ESR2: variants seen among roughly 807,000 people sequenced by gnomAD.
ESR2 encodes estrogen receptor beta.
ESR2 carries 36 observed loss-of-function variants against 49.6 expected under a neutral mutation model. The ratio of observed to expected loss-of-function variants is 0.73; its 90% CI spans 0.56 to 0.96. The LOEUF (loss-of-function observed/expected upper bound fraction) is 0.96. ESR2 is among the 40% of genes least tolerant of loss of function. ESR2 has a pLI of 0.00. For missense variants in ESR2, 714 were observed against 693.0 expected, an observed-to-expected ratio of 1.03 and a Z score of -0.34; for synonymous variants, 320 against 266.1, an observed-to-expected ratio of 1.20 and a Z score of -1.97.
At chr14:64,242,280 G>T (rs945836686) in intron 7 of ESR2, among the ~76,000 whole-genome samples, 1 of 151,868 alleles carries the variant, frequency 6.6e-6, no homozygotes, top group Non-Finnish European at 1.5e-5. Context: ...CATGGTGGCA[G>T]GCACCTATAA....
At chr14:64,282,285 C>A (rs1358173308) in intron 2 of ESR2, among the ~76,000 whole-genome samples, 2 of 152,168 alleles carry the variant, frequency 1.3e-5, no homozygotes, top group Non-Finnish European at 2.9e-5. Flanking sequence ...GTGAAGGTTG[C>A]AGTGAGCCGC....
chr14:64,322,752 C>T (rs2077340421), intron 1 of ESR2, among the ~76,000 whole-genome samples: 1 of 152,128 alleles, frequency 6.6e-6, no homozygotes, highest in Non-Finnish European at 1.5e-5. Flanking sequence ...TTAAAATACG[C>T]ACTGTGACCC....
chr14:64,262,685 C>T (rs987703471), intron 4 of ESR2, among the ~76,000 whole-genome samples: 2 of 151,828 alleles, frequency 1.3e-5, no homozygotes, highest in Non-Finnish European at 2.9e-5. Context: ...CGGGAGGGGA[C>T]GGATCACTTG....
At chr14:64,278,120 A>G (rs2076593874) in intron 3 of ESR2, among the ~76,000 whole-genome samples, 1 of 152,266 alleles carries the variant, frequency 6.6e-6, no homozygotes, top group South Asian at 2.1e-4. Context: ...TCAGAAAATC[A>G]ATATTGTTCT....
intron 1 of ESR2, among the ~76,000 whole-genome samples, chr14:64,314,212 A>G (rs1368567016): frequency 6.6e-6 from 1 of 152,104 alleles, no homozygotes; most frequent in African/African-American, 2.4e-5. Flanking sequence ...GAAACCAATA[A>G]CAGATAACAG....
At chr14:64,249,502 CA>C in intron 7 of ESR2, 43 bp downstream of exon 7, 1 of 1,594,636 alleles carries the variant, frequency 6.3e-7, no homozygotes, top group Non-Finnish European at 8.5e-7. Context: ...GTAGAAACAG[CA>C]TCTCTCCCCG....
rs559104738 is a variant in ESR2 at position 64,281,672 on chromosome 14, C to T, written c.362+952G>A. 5.9e-5 allele frequency among the ~76,000 whole-genome samples: 9 copies of T among 152,250 alleles called. No homozygotes were observed. The South Asian group carries it at 1.9e-3, about 32-fold the overall frequency. On this transcript the variant is annotated intron_variant, in intron 2 of 8. Transcript: ENST00000341099. Reference sequence around the variant, plus strand: ...CCTTTCTCATTATACTATCCATTCCCTTCATACCTATGATTATCATTAGAA... The same window carrying T: ...CCTTTCTCATTATACTATCCATTCCTTTCATACCTATGATTATCATTAGAA...
upstream of ESR2, among the ~76,000 whole-genome samples, chr14:64,297,097 C>T (rs1417279204): frequency 6.6e-6 from 1 of 152,112 alleles, no homozygotes; most frequent in East Asian, 1.9e-4. Context: ...TCCACCTCAC[C>T]CCTGACCTGC....
At chr14:64,300,353 A>C (rs2077008310) in intron 1 of ESR2, among the ~76,000 whole-genome samples, 1 of 152,132 alleles carries the variant, frequency 6.6e-6, no homozygotes, top group Non-Finnish European at 1.5e-5. Flanking sequence ...AGGCCTTTCA[A>C]CCGGACCCCA....
chr14:64,335,199 C>G (rs537586292), intron 1 of ESR2, among the ~76,000 whole-genome samples: 30 of 152,242 alleles, frequency 2.0e-4, no homozygotes, highest in Non-Finnish European at 3.5e-4. Context: ...AGGGAAGGCA[C>G]ACAAAGGAGT....
intron 1 of ESR2, among the ~76,000 whole-genome samples, chr14:64,323,150 T>C (rs1218672805): frequency 6.6e-6 from 1 of 152,222 alleles, no homozygotes; most frequent in Non-Finnish European, 1.5e-5. Context: ...AGAAAATTAT[T>C]ATTTCCTTTA....
At chr14:64,247,805 C>T (rs1238837431) in intron 7 of ESR2, among the ~76,000 whole-genome samples, 1 of 152,194 alleles carries the variant, frequency 6.6e-6, no homozygotes, top group Non-Finnish European at 1.5e-5. Context: ...CAAAATAACA[C>T]ATCTCTATTT....
intron 1 of ESR2, among the ~76,000 whole-genome samples, chr14:64,290,131 G>C (rs763640154): frequency 2.4e-4 from 37 of 152,278 alleles, no homozygotes; most frequent in Non-Finnish European, 4.6e-4. Flanking sequence ...GAGTGTAGTG[G>C]CAAGATCATG....
At chr14:64,246,348 G>A (rs184182895) in intron 7 of ESR2, among the ~76,000 whole-genome samples, 1 of 152,152 alleles carries the variant, frequency 6.6e-6, no homozygotes, top group East Asian at 1.9e-4. Flanking sequence ...GGTTATATAA[G>A]GGGCTCTTCT....
At chr14:64,275,993 T>C (rs1037874278) in intron 3 of ESR2, among the ~76,000 whole-genome samples, 4 of 152,204 alleles carry the variant, frequency 2.6e-5, no homozygotes, top group African/African-American at 9.7e-5. Context: ...ATACATTTGG[T>C]TATTTCATTC....
intron 1 of ESR2, among the ~76,000 whole-genome samples, chr14:64,322,782 A>G (rs898220292): frequency 6.6e-6 from 1 of 152,210 alleles, no homozygotes; most frequent in East Asian, 1.9e-4. Flanking sequence ...ATATTTGTCA[A>G]TTAATCCCCT....
At chr14:64,303,302 T>C (rs907353989) in intron 1 of ESR2, among the ~76,000 whole-genome samples, 1 of 152,082 alleles carries the variant, frequency 6.6e-6, no homozygotes, top group South Asian at 2.1e-4. Context: ...TCTCTTGTTT[T>C]GGGTGCATGG....
chr14:64,304,409 G>C (rs946092514), intron 1 of ESR2, among the ~76,000 whole-genome samples: 1 of 152,156 alleles, frequency 6.6e-6, no homozygotes. Context: ...TGATCTGTGG[G>C]GGTCTTTGGT....
In ESR2 at chr14:64,233,240, G is replaced by A. The variant is rs1332767848; in HGVS notation, c.1490C>T (p.Ala497Val). The change falls in exon 9 of 9, where the codon GCC (alanine) becomes GTC (valine). Residue 497 changes from alanine (A) to valine (V), a missense_variant. Ala to Val is a moderately conservative substitution (Grantham distance 64). Transcript: ENST00000341099. ...VYDLLLEMLN[A>V]HVLRGCKSSI... Reference sequence around the variant, plus strand: ...GGACTTGCACCCGCGAAGCACGTGGGCATTCAGCATCTCCAGCAGCAGGTC... The same window carrying A: ...GGACTTGCACCCGCGAAGCACGTGGACATTCAGCATCTCCAGCAGCAGGTC... The A allele has an allele frequency of 6.2e-7, 1 of 1,614,162 alleles. No individual in the cohort carries two copies. The highest frequency in any genetic ancestry group is 1.7e-5 in the Admixed American group (1 of 60,024).
Sources: allele counts gnomAD v4.1 joint callset (sites outside exome capture counted in the v4.1 genomes callset), GRCh38; gene constraint gnomAD v4.1.1; transcripts MANE v1.5; gene names NCBI Gene and HGNC (gene_info 2026-07-23, HGNC 2026-07-21).